The following WDR59 variants were observed in gnomAD, a reference collection of about 807,000 sequenced individuals.
WDR59 encodes WD repeat domain 59.
Under a neutral mutation model 131.2 loss-of-function variants are expected in WDR59, and 100 were observed. The observed-to-expected ratio is 0.76, with a 90% CI of 0.65 to 0.90. The LOEUF (loss-of-function observed/expected upper bound fraction) is 0.90. WDR59 is among the 40% of genes least tolerant of loss of function. The pLI, the probability that WDR59 is intolerant of heterozygous loss-of-function variation, is 0.00. For missense variants in WDR59, 1,203 were observed against 1,262.2 expected, an observed-to-expected ratio of 0.95 and a Z score of 0.71; for synonymous variants, 601 against 466.2, an observed-to-expected ratio of 1.29 and a Z score of -3.72.
intron 10 of WDR59, among the ~76,000 whole-genome samples, chr16:74,921,223 T>A (rs2030193879): frequency 6.6e-6 from 1 of 152,034 alleles, no homozygotes; most frequent in African/African-American, 2.4e-5. Context: ...AATGGTTATT[T>A]TTTTCTGATC....
chr16:74,917,077 A>T (rs1022270676), intron 11 of WDR59, among the ~76,000 whole-genome samples: 4 of 152,118 alleles, frequency 2.6e-5, no homozygotes, highest in African/African-American at 9.7e-5. Flanking sequence ...CAAGTGAGAC[A>T]CCTTCCCACT....
At chr16:74,977,342 C>T (rs188363816) in intron 1 of WDR59, among the ~76,000 whole-genome samples, 1 of 151,946 alleles carries the variant, frequency 6.6e-6, no homozygotes, top group Non-Finnish European at 1.5e-5. Context: ...ATATATATAA[C>T]CATACAGAAC....
At chr16:74,890,641 C>A (rs2144818902) in intron 20 of WDR59, among the ~76,000 whole-genome samples, 1 of 152,252 alleles carries the variant, frequency 6.6e-6, no homozygotes, top group East Asian at 1.9e-4. Context: ...TAGGCCAAGA[C>A]AAAATGGATT....
At chr16:74,886,191 G>T in intron 24 of WDR59, 79 bp downstream of exon 24, 2 of 1,136,682 alleles carry the variant, frequency 1.8e-6, no homozygotes, top group South Asian at 1.5e-5. Context: ...AAAAAAAAAA[G>T]TAAGAGTTGT....
intron 18 of WDR59, among the ~76,000 whole-genome samples, chr16:74,901,993 C>A (rs756017421): frequency 1.8e-4 from 28 of 152,192 alleles, no homozygotes; most frequent in South Asian, 1.7e-3. Flanking sequence ...TAAGTTGAAC[C>A]ACATGAATCT....
chr16:74,964,458 C>T (rs2033685103), intron 2 of WDR59, among the ~76,000 whole-genome samples: 1 of 151,336 alleles, frequency 6.6e-6, no homozygotes, highest in Non-Finnish European at 1.5e-5. Flanking sequence ...GTATGACACA[C>T]AAAAAAATGA....
At chr16:74,936,628 C>A (rs1041365868) in intron 8 of WDR59, among the ~76,000 whole-genome samples, 1 of 152,220 alleles carries the variant, frequency 6.6e-6, no homozygotes, top group African/African-American at 2.4e-5. Context: ...GAGTTCGAGA[C>A]CATCCTGGCC....
rs1382274172 is a variant in WDR59 at position 74,873,578 on chromosome 16, CTTTCTCTCTTTT to C, written c.*619_*630del. 2 of 147,178 alleles carry C rather than the reference CTTTCTCTCTTTT, an allele frequency of 1.4e-5. No individual in the cohort carries two copies. Among genetic ancestry groups the C allele is most frequent in the African/African-American group, 5.0e-5 (2 of 39,732 alleles). 9.1% of individuals were successfully genotyped at this position (147,178 alleles called of 1,614,324 possible). A position where few individuals can be genotyped will look rare whatever the true frequency, so the allele number is the denominator to read the frequency against. ...AATGATTCACCATAATGTTGTTTAACTTTCTCTCTTTTTTTTTTTTTTCAAATTACTAGAATT... is the reference window on the plus strand; with the variant it reads ...AATGATTCACCATAATGTTGTTTAACTTTTTTTTTTCAAATTACTAGAATT... On this transcript the variant is annotated 3_prime_UTR_variant, in exon 26 of 26. Transcript: ENST00000262144.
At chr16:74,917,234 A>G (rs1887908415) in intron 11 of WDR59, among the ~76,000 whole-genome samples, 1 of 152,198 alleles carries the variant, frequency 6.6e-6, no homozygotes, top group African/African-American at 2.4e-5. Context: ...AAAAAATTAC[A>G]AACAGCTTCA....
intron 23 of WDR59, 111 bp downstream of exon 23, chr16:74,887,572 G>A: frequency 9.7e-7 from 1 of 1,029,082 alleles, no homozygotes; most frequent in Non-Finnish European, 1.4e-6. Context: ...AATGTAAAGA[G>A]AAATAAGAAA....
chr16:74,960,723 TG>T, intron 2 of WDR59, among the ~76,000 whole-genome samples: 1 of 146,374 alleles, frequency 6.8e-6, no homozygotes, highest in East Asian at 2.0e-4. Context: ...ACTCCAGCCT[TG>T]GTGACAGAGC....
chr16:74,899,952 T>A (rs1404961300), intron 18 of WDR59, among the ~76,000 whole-genome samples: 1 of 152,094 alleles, frequency 6.6e-6, no homozygotes. Flanking sequence ...CTCACCTCCC[T>A]CCCACCCCAT....
In WDR59 at chr16:74,961,414, C is replaced by T. The variant is rs150622693; in HGVS notation, c.104+4359G>A. Among the ~76,000 whole-genome samples the T allele has an allele frequency of 1.3e-3, 194 of 152,302 alleles. 1 individual carries two copies. Among genetic ancestry groups the T allele is most frequent in the African/African-American group, 4.4e-3 (185 of 41,576 alleles). Reference sequence around the variant, plus strand: ...TTGAACTAATTTACATTCCCATCAACAGTGTAAAAGCATTCCTATTTCTCC... The same window carrying T: ...TTGAACTAATTTACATTCCCATCAATAGTGTAAAAGCATTCCTATTTCTCC... On this transcript the variant is annotated intron_variant, in intron 2 of 25. Transcript: ENST00000262144.
intron 8 of WDR59, among the ~76,000 whole-genome samples, chr16:74,931,076 ATATC>A (rs1362735394): frequency 2.5e-4 from 38 of 152,054 alleles, no homozygotes; most frequent in Non-Finnish European, 4.6e-4. Flanking sequence ...GGATTTATAA[ATATC>A]TATGTGTGTT....
At chr16:74,969,966 C>T (rs1179834576) in intron 1 of WDR59, among the ~76,000 whole-genome samples, 1 of 151,892 alleles carries the variant, frequency 6.6e-6, no homozygotes, top group African/African-American at 2.4e-5. Context: ...ATTTTTTGCC[C>T]AGACTGGAGT....
chr16:74,934,327 G>T (rs192065887), intron 8 of WDR59, among the ~76,000 whole-genome samples: 7 of 152,028 alleles, frequency 4.6e-5, no homozygotes, highest in Admixed American at 3.9e-4. Context: ...AAGAAAAAAA[G>T]AAAGATTTTG....
chr16:74,965,902 C>T (rs1329424018), intron 1 of WDR59, 80 bp from the exon 2 acceptor site: 2 of 1,506,092 alleles, frequency 1.3e-6, no homozygotes, highest in African/African-American at 1.4e-5. Context: ...GGCTCTTCCT[C>T]TTCCTGTCTC....
rs780002396 is a variant in WDR59, at chr16:74,889,852, C to A, written c.2083-37G>T. ...AAAGAGAAATACAAACTCAAACTGG[C>A]AAGGACAAGAACCGAAACCATGAAG... On this transcript the variant is annotated intron_variant, in intron 20 of 25. Coordinates refer to ENST00000262144, the MANE Select transcript of WDR59 (RefSeq NM_030581.4). The A allele has an allele frequency of 9.7e-6, 15 of 1,542,852 alleles. No homozygotes were observed. The South Asian group carries it at 1.6e-4, about 17-fold the overall frequency.
At chr16:74,898,550 G>A (rs1262550197) in intron 18 of WDR59, among the ~76,000 whole-genome samples, 1 of 152,174 alleles carries the variant, frequency 6.6e-6, no homozygotes, top group Non-Finnish European at 1.5e-5. Flanking sequence ...AGAACGGAGT[G>A]GGGTGGGGGT....
Sources: gnomAD v4.1 joint callset for allele counts (sites outside exome capture counted in the v4.1 genomes callset) on GRCh38, gnomAD v4.1.1 for gene constraint, MANE v1.5 for transcripts, NCBI Gene and HGNC (gene_info 2026-07-23, HGNC 2026-07-21) for gene names.